The following GRM8 variants were observed in gnomAD, a reference collection of about 807,000 sequenced individuals.
GRM8 encodes the protein metabotropic glutamate receptor 8.
GRM8 carries 47 observed loss-of-function variants against 87.2 expected under a neutral mutation model. That is an observed-to-expected ratio of 0.54 (90% confidence interval 0.43 to 0.69). The LOEUF (loss-of-function observed/expected upper bound fraction) is 0.69, where lower values mean the gene tolerates loss of function less well. Among genes scored for constraint, GRM8 ranks in the 30% least tolerant of loss-of-function variants. The probability of loss-of-function intolerance (pLI) is 0.00; values close to 1 mark genes in which losing one functional copy is unlikely to be tolerated. For synonymous variants in GRM8, 396 were observed against 404.5 expected (o/e 0.98, Z 0.25); for missense variants, 1,019 against 1,139.2 (o/e 0.89, Z 1.52).
intron 7 of GRM8, among the ~76,000 whole-genome samples, chr7:126,730,698 A>G (rs1474130988): frequency 6.6e-6 from 1 of 152,126 alleles, no homozygotes; most frequent in Admixed American, 6.6e-5. Context: ...GCGATAAACA[A>G]AACAGCAATA....
At chr7:126,850,510 T>C (rs1427355495) in intron 6 of GRM8, among the ~76,000 whole-genome samples, 1 of 152,104 alleles carries the variant, frequency 6.6e-6, no homozygotes, top group East Asian at 1.9e-4. Flanking sequence ...ACCATGATAG[T>C]TTTAGTAAGA....
rs548357268 is a variant in GRM8 at position 126,985,616 on chromosome 7, C to A, written c.728-80933G>T. Among the ~76,000 whole-genome samples, 4 of 152,236 alleles carry A rather than the reference C, an allele frequency of 2.6e-5. No individual in the cohort carries two copies. The East Asian group carries it at 5.8e-4, about 22-fold the overall frequency. The stretch of plus-strand genomic sequence containing the variant: ...GTCAAGGGACCATGTCTGGTGAGAG[C>A]CATCTTGCTGGCAGGGATTCTCTGT... On this transcript the variant is annotated intron_variant, in intron 3 of 10. Transcript: ENST00000339582.
intron 8 of GRM8, among the ~76,000 whole-genome samples, chr7:126,543,956 C>T (rs1029420223): frequency 4.6e-5 from 7 of 152,266 alleles, no homozygotes; most frequent in Non-Finnish European, 1.5e-5. Context: ...AGTAATATTT[C>T]ATAACCATAG....
At chr7:127,062,141 CAAAAAA>C (rs5887324) in intron 3 of GRM8, among the ~76,000 whole-genome samples, 1,503 of 134,970 alleles carry the variant, frequency 0.011, 28 homozygotes, top group African/African-American at 0.038. Context: ...AAGACTCCAT[CAAAAAA>C]AAAAAAAAAG....
At chr7:127,212,674 C>T (rs1796294167) in intron 2 of GRM8, among the ~76,000 whole-genome samples, 3 of 152,132 alleles carry the variant, frequency 2.0e-5, no homozygotes. Context: ...GCCTCGGCCT[C>T]CCAAAGTGCT....
At chr7:126,642,591 G>C (rs1802523872) in intron 7 of GRM8, among the ~76,000 whole-genome samples, 1 of 151,996 alleles carries the variant, frequency 6.6e-6, no homozygotes, top group Admixed American at 6.6e-5. Flanking sequence ...AGTGAGCCGA[G>C]ATCATGCCAC....
rs980147634 is a variant in GRM8, at chr7:126,852,767, G to A, written c.1156+49775C>T. Among the ~76,000 whole-genome samples, 58 of 151,600 alleles carry A rather than the reference G, an allele frequency of 3.8e-4. 2 individuals are homozygous for A. Among genetic ancestry groups the A allele is most frequent in the Non-Finnish European group, 4.4e-5 (3 of 67,916 alleles). ...TAATCTTTGATCAAAATATGTGTGT[G>A]TTATATACTTTCATATATTTATATT... is the stretch of plus-strand genomic sequence containing the variant. On this transcript the variant is annotated intron_variant, in intron 6 of 10. Transcript: ENST00000339582.
At chr7:126,779,375 C>G (rs1819819256) in intron 6 of GRM8, among the ~76,000 whole-genome samples, 1 of 151,992 alleles carries the variant, frequency 6.6e-6, no homozygotes, top group Non-Finnish European at 1.5e-5. Context: ...CCATTTTTCT[C>G]TTAATATGCC....
At chr7:126,449,908 C>T (rs1392986606) in intron 9 of GRM8, among the ~76,000 whole-genome samples, 1 of 151,812 alleles carries the variant, frequency 6.6e-6, no homozygotes. Context: ...TCTTTTCTAT[C>T]ACACGCACTG....
intron 7 of GRM8, among the ~76,000 whole-genome samples, chr7:126,713,873 C>A (rs1007360128): frequency 6.6e-6 from 1 of 151,852 alleles, no homozygotes; most frequent in Non-Finnish European, 1.5e-5. Flanking sequence ...ACACATTGTA[C>A]ACCTTGAATA....
At chr7:126,557,424 A>G (rs1793271159) in intron 8 of GRM8, among the ~76,000 whole-genome samples, 1 of 152,188 alleles carries the variant, frequency 6.6e-6, no homozygotes, top group South Asian at 2.1e-4. Context: ...ACACCAGCAC[A>G]GGGCACTTCT....
chr7:127,221,680 T>G (rs180926258), intron 2 of GRM8, among the ~76,000 whole-genome samples: 320 of 152,350 alleles, frequency 2.1e-3, no homozygotes, highest in African/African-American at 7.2e-3. Flanking sequence ...TATATTCAGC[T>G]CTGCTTCTAG....
In GRM8 at chr7:126,626,252, A is replaced by G. The variant is rs59640331; in HGVS notation, c.1358-16754T>C. Among the ~76,000 whole-genome samples the G allele has an allele frequency of 3.4e-3, 513 of 152,262 alleles. 3 individuals carry two copies. Among genetic ancestry groups the G allele is most frequent in the African/African-American group, 0.011 (469 of 41,550 alleles). On this transcript the variant is annotated intron_variant, in intron 7 of 10. Coordinates refer to ENST00000339582, the MANE Select transcript of GRM8 (RefSeq NM_000845.3). ...ATCTGGATTTACAAGAGTCACATTT[A>G]TCAGTCTTTATAATGATGCTCTCAT...
intron 7 of GRM8, among the ~76,000 whole-genome samples, chr7:126,730,105 G>A (rs771839054): frequency 6.6e-6 from 1 of 152,158 alleles, no homozygotes; most frequent in Non-Finnish European, 1.5e-5. Flanking sequence ...AGTAATGTAA[G>A]AGTAATGTTT....
intron 3 of GRM8, among the ~76,000 whole-genome samples, chr7:126,920,839 C>T (rs1399160362): frequency 6.7e-6 from 1 of 149,972 alleles, no homozygotes; most frequent in Admixed American, 6.7e-5. Context: ...CCCACCCCTG[C>T]CCCCACTAAA....
At chr7:126,812,177 AAAC>A (rs1793365261) in intron 6 of GRM8, among the ~76,000 whole-genome samples, 1 of 152,084 alleles carries the variant, frequency 6.6e-6, no homozygotes. Context: ...AAAATACAGT[AAAC>A]AACCATTTGC....
intron 7 of GRM8, among the ~76,000 whole-genome samples, chr7:126,733,130 T>A (rs1813798941): frequency 6.6e-6 from 1 of 152,204 alleles, no homozygotes; most frequent in South Asian, 2.1e-4. Flanking sequence ...CTGATTTACA[T>A]CATGTTAGTC....
At chr7:126,619,074 C>T (rs906687351) in intron 7 of GRM8, among the ~76,000 whole-genome samples, 1 of 152,150 alleles carries the variant, frequency 6.6e-6, no homozygotes, top group Non-Finnish European at 1.5e-5. Flanking sequence ...CACTTGCACA[C>T]GTATGTTTAT....
chr7:127,050,817 A>G (rs1232416106), intron 3 of GRM8, among the ~76,000 whole-genome samples: 1 of 152,214 alleles, frequency 6.6e-6, no homozygotes. Flanking sequence ...CACCATAAAG[A>G]TAAGAGGGAA....
Sources: allele counts gnomAD v4.1 joint callset (sites outside exome capture counted in the v4.1 genomes callset), GRCh38; gene constraint gnomAD v4.1.1; transcripts MANE v1.5; gene names NCBI Gene and HGNC (gene_info 2026-07-23, HGNC 2026-07-21).